The following IGSF21 variants were observed in gnomAD, a reference collection of about 807,000 sequenced individuals.
IGSF21 encodes immunoglobulin superfamily member 21.
IGSF21 carries 28 observed loss-of-function variants against 46.8 expected under a neutral mutation model. The observed-to-expected ratio is 0.60, with a 90% confidence interval of 0.44 to 0.82. IGSF21 has a LOEUF of 0.82. Ranked by LOEUF, IGSF21 falls within the 40% of genes least tolerant of loss-of-function variation. IGSF21 has a pLI of 0.00. For synonymous variants in IGSF21, 284 were observed against 273.6 expected, an observed-to-expected ratio of 1.04 and a Z score of -0.38; for missense variants, 624 against 665.5, an observed-to-expected ratio of 0.94 and a Z score of 0.69.
At chr1:18,349,791 C>G (rs528342) in intron 4 of IGSF21, among the ~76,000 whole-genome samples, 61,585 of 151,830 alleles carry the variant, frequency 0.41, 12,939 homozygotes, top group South Asian at 0.53. Context: ...GCGCAGTGTG[C>G]CTCATTCCTG....
chr1:18,192,362 T>A (rs2086966123), intron 1 of IGSF21, among the ~76,000 whole-genome samples: 1 of 152,252 alleles, frequency 6.6e-6, no homozygotes, highest in Non-Finnish European at 1.5e-5. Flanking sequence ...AATCTCTCCC[T>A]GTGCCTCAGT....
In IGSF21 at chr1:18,303,578, A is replaced by G. The variant is rs527791792; in HGVS notation, c.305+11591A>G. 5.9e-5 allele frequency among the ~76,000 whole-genome samples: 9 copies of G among 152,340 alleles called. No homozygotes were observed. The South Asian group carries it at 1.9e-3, about 32-fold the overall frequency. On this transcript the variant is annotated intron_variant, in intron 3 of 9. Coordinates refer to ENST00000251296, the MANE Select transcript of IGSF21 (RefSeq NM_032880.5). ...GCCAGGAAGCACCCTGGGGGGAGTAATGGGAAGTTAGTTCCGATGTTGAAT... is the reference window on the plus strand; with the variant it reads ...GCCAGGAAGCACCCTGGGGGGAGTAGTGGGAAGTTAGTTCCGATGTTGAAT...
At chr1:18,292,079 A>G in intron 3 of IGSF21, 92 bp downstream of exon 3, 1 of 1,334,978 alleles carries the variant, frequency 7.5e-7, no homozygotes, top group East Asian at 2.3e-5. Flanking sequence ...TTTCACATCA[A>G]TCCCTCGGTG....
At chr1:18,162,889 G>T (rs2086640593) in intron 1 of IGSF21, among the ~76,000 whole-genome samples, 2 of 152,172 alleles carry the variant, frequency 1.3e-5, no homozygotes, top group African/African-American at 4.8e-5. Flanking sequence ...GGTAAGTGAG[G>T]TCCAGAAGGC....
At chr1:18,292,880 C>G (rs906592706) in intron 3 of IGSF21, among the ~76,000 whole-genome samples, 6 of 152,214 alleles carry the variant, frequency 3.9e-5, no homozygotes, top group Admixed American at 2.0e-4. Flanking sequence ...GAGTGCACAG[C>G]TTTGCACACA....
rs1483281418 is a variant in IGSF21 at position 18,154,531 on chromosome 1, T to C, written c.70+46333T>C. Among the ~76,000 whole-genome samples, 4 of 152,028 alleles carry C rather than the reference T, an allele frequency of 2.6e-5. No individual in the cohort carries two copies. The Middle Eastern group carries it at 0.01, about 388-fold the overall frequency. The stretch of plus-strand genomic sequence containing the variant: ...GGCTCTGCCCTGAGAGAAGCTCACA[T>C]GTCCCCAGCTGCAATGGATCTGATG... On this transcript the variant is annotated intron_variant, in intron 1 of 9. Transcript: ENST00000251296.
chr1:18,339,702 G>A (rs1432218887), intron 4 of IGSF21, among the ~76,000 whole-genome samples: 1 of 152,206 alleles, frequency 6.6e-6, no homozygotes, highest in African/African-American at 2.4e-5. Context: ...TCTAGCCTGG[G>A]CAACAGTGAG....
Position 18,365,157 on chromosome 1 carries a change from G to A in IGSF21, c.541-66G>A. 1 of 1,262,396 alleles carries A rather than the reference G, an allele frequency of 7.9e-7. No homozygotes were observed. The highest frequency in any genetic ancestry group is 1.1e-6 in the Non-Finnish European group (1 of 885,928). The allele number at this position is 1,262,396 out of a possible 1,614,324, so 78.2% of individuals were successfully genotyped here. On this transcript the variant is annotated intron_variant, in intron 5 of 9. Coordinates refer to ENST00000251296, the MANE Select transcript of IGSF21 (RefSeq NM_032880.5). The surrounding 1 kb of genome is among the most constrained non-coding windows in gnomAD (Gnocchi z 4.8). ...GGCATCCTGTGCCCAGTTCATCGGA[G>A]AACCCACTGGGAGGTTGAAGTTAGT...
At chr1:18,165,910 T>G (rs2086674418) in intron 1 of IGSF21, among the ~76,000 whole-genome samples, 1 of 152,204 alleles carries the variant, frequency 6.6e-6, no homozygotes, top group African/African-American at 2.4e-5. Context: ...TTTTAAAAAG[T>G]TCTAAGTTGC....
At chr1:18,185,163 A>G (rs191964813) in intron 1 of IGSF21, among the ~76,000 whole-genome samples, 4 of 152,300 alleles carry the variant, frequency 2.6e-5, no homozygotes, top group Admixed American at 2.6e-4. Flanking sequence ...CTCTTAATGT[A>G]GGTCCAACAC....
chr1:18,247,265 C>A (rs990700382), intron 2 of IGSF21, among the ~76,000 whole-genome samples: 1 of 152,108 alleles, frequency 6.6e-6, no homozygotes, highest in Non-Finnish European at 1.5e-5. Flanking sequence ...GGGGCCAGCT[C>A]TGTCAGGCTT....
chr1:18,195,982 G>A (rs930922067), intron 1 of IGSF21, among the ~76,000 whole-genome samples: 4 of 152,324 alleles, frequency 2.6e-5, no homozygotes, highest in Non-Finnish European at 5.9e-5. Flanking sequence ...GGGCAAAAGC[G>A]AGAGCTCAGC....
chr1:18,151,719 A>C (rs528439065), intron 1 of IGSF21, among the ~76,000 whole-genome samples: 3 of 152,120 alleles, frequency 2.0e-5, no homozygotes, highest in Admixed American at 1.3e-4. Flanking sequence ...CATCCTCCTT[A>C]ACTGCAGGGG....
At chr1:18,340,969 TCTC>T (rs1201881965) in intron 4 of IGSF21, among the ~76,000 whole-genome samples, 2 of 140,432 alleles carry the variant, frequency 1.4e-5, no homozygotes, top group Non-Finnish European at 3.1e-5. Flanking sequence ...CCCTCCTTCT[TCTC>T]CTTCTTCTTC....
At chr1:18,277,103 G>A (rs1017759541) in intron 2 of IGSF21, among the ~76,000 whole-genome samples, 18 of 152,130 alleles carry the variant, frequency 1.2e-4, no homozygotes, top group Non-Finnish European at 7.3e-5. Context: ...TGAATAGATC[G>A]CCTGGCCTCC....
intron 1 of IGSF21, among the ~76,000 whole-genome samples, chr1:18,169,148 A>G (rs2086710013): frequency 6.6e-6 from 1 of 152,248 alleles, no homozygotes; most frequent in South Asian, 2.1e-4. Context: ...TTACTCCCTC[A>G]GAGAAAGGCT....
At chr1:18,151,672 C>T (rs2086523282) in intron 1 of IGSF21, among the ~76,000 whole-genome samples, 1 of 152,062 alleles carries the variant, frequency 6.6e-6, no homozygotes, top group Admixed American at 6.6e-5. Flanking sequence ...CTGGGCGACA[C>T]TTATTCCCTG....
At chr1:18,288,901 G>A (rs767958101) in intron 2 of IGSF21, among the ~76,000 whole-genome samples, 2 of 152,202 alleles carry the variant, frequency 1.3e-5, no homozygotes, top group Non-Finnish European at 2.9e-5. Context: ...TGACAGTGAG[G>A]CCCTGACACA....
chr1:18,143,206 C>T (rs779339264), intron 1 of IGSF21, among the ~76,000 whole-genome samples: 1 of 152,316 alleles, frequency 6.6e-6, no homozygotes, highest in East Asian at 1.9e-4. Flanking sequence ...GGAGTGCAGC[C>T]GTGATTTAAT....
Sources: gnomAD v4.1 joint callset for allele counts (sites outside exome capture counted in the v4.1 genomes callset) on GRCh38, gnomAD v4.1.1 for gene constraint, Gnocchi (gnomAD v3.1) non-coding constraint, MANE v1.5 for transcripts, NCBI Gene and HGNC (gene_info 2026-07-23, HGNC 2026-07-21) for gene names.